Variants in KMT2E observed in about 807,000 individuals in gnomAD.
KMT2E encodes the protein histone reader KMT2E.
Under a neutral mutation model 184.6 loss-of-function variants are expected in KMT2E, and 30 were observed. The ratio of observed to expected loss-of-function variants is 0.16; its 90% CI spans 0.12 to 0.22. The LOEUF is 0.22. KMT2E is among the 10% of genes least tolerant of loss of function. The pLI is 1.00. For synonymous variants in KMT2E, 815 were observed against 776.5 expected, an observed-to-expected ratio of 1.05 and a Z score of -0.82; for missense variants, 2,023 against 2,237.4, an observed-to-expected ratio of 0.90 and a Z score of 1.93.
chr7:105,048,433 C>T (rs1440502921), intron 3 of KMT2E, among the ~76,000 whole-genome samples: 1 of 152,010 alleles, frequency 6.6e-6, no homozygotes, highest in African/African-American at 2.4e-5. Flanking sequence ...CCTATTGTGA[C>T]TTTAAAATTT....
chr7:105,091,736 C>T (rs1223503005), intron 15 of KMT2E: 1 of 217,156 alleles, frequency 4.6e-6, no homozygotes, highest in East Asian at 1.0e-4. Flanking sequence ...AAAAAACCTA[C>T]CACTGGTAGC....
rs765134765 is a variant in KMT2E at position 105,107,836 on chromosome 7, G to A, written c.3379G>A (p.Asp1127Asn). 6.2e-6 allele frequency: 10 copies of A among 1,614,124 alleles called. No individual in the cohort carries two copies. Among genetic ancestry groups the A allele is most frequent in the Non-Finnish European group, 8.5e-6 (10 of 1,180,016 alleles). ...METTVFCTSE[D>N]GLVSGFGRTV... ...AACAACTGTGTTTTGTACTTCCGAA[G>A]ATGGGCTTGTATCTGGTTTCGGACG... The change falls in exon 22 of 27, where the codon GAT becomes AAT. Residue 1127 changes from aspartate to asparagine, a missense_variant. Transcript: ENST00000311117.
rs140246258 is a variant in KMT2E at position 105,016,371 on chromosome 7, CATT to C, written c.-189+1839_-189+1841del. ...CAATCGTCTTACAGCATACTATCATCATTATGTAAGTTAAAAGTAAGGCTCCGA... is the reference window on the plus strand; with the variant it reads ...CAATCGTCTTACAGCATACTATCATCATGTAAGTTAAAAGTAAGGCTCCGA... On this transcript the variant is annotated intron_variant, in intron 1 of 26. Transcript: ENST00000311117. Among the ~76,000 whole-genome samples, 1,435 of 152,298 alleles carry C rather than the reference CATT, an allele frequency of 9.4e-3. 20 individuals are homozygous for C. Among genetic ancestry groups the C allele is most frequent in the African/African-American group, 0.033 (1,383 of 41,560 alleles).
chr7:105,060,131 A>G (rs1394597415), intron 3 of KMT2E, among the ~76,000 whole-genome samples: 1 of 150,954 alleles, frequency 6.6e-6, no homozygotes, highest in Non-Finnish European at 1.5e-5. Context: ...AGTAGCTGGG[A>G]TTACAGGTGC....
intron 13 of KMT2E, among the ~76,000 whole-genome samples, chr7:105,088,011 TC>T (rs1798053566): frequency 6.6e-6 from 1 of 152,186 alleles, no homozygotes; most frequent in Admixed American, 6.5e-5. Flanking sequence ...AGTATCCCTT[TC>T]TACTGATTAT....
At chr7:105,072,392 A>T (rs958352717) in intron 6 of KMT2E, among the ~76,000 whole-genome samples, 1 of 152,180 alleles carries the variant, frequency 6.6e-6, no homozygotes, top group African/African-American at 2.4e-5. Flanking sequence ...AGATATGTTT[A>T]TTATTCTGTG....
chr7:105,090,377 A>T lies in KMT2E; in HGVS notation c.1623+104A>T, dbSNP rs1798152070. 9 of 1,290,658 alleles carry T rather than the reference A, an allele frequency of 7.0e-6. No individual in the cohort carries two copies. In the South Asian group the frequency reaches 1.2e-4, roughly 17 times the overall value. 80.0% of individuals were successfully genotyped at this position (1,290,658 alleles called of 1,614,324 possible). A position where few individuals can be genotyped will look rare whatever the true frequency, so the allele number is the denominator to read the frequency against. On this transcript the variant is annotated intron_variant, in intron 14 of 26. Coordinates refer to ENST00000311117, the MANE Select transcript of KMT2E (RefSeq NM_182931.3). ...TGTATAATTGTTTAAAGTATTTTTAAGTCCATTCTGTCATTTAATGAAGTA... is the reference window on the plus strand; with the variant it reads ...TGTATAATTGTTTAAAGTATTTTTATGTCCATTCTGTCATTTAATGAAGTA...
chr7:105,042,706 C>G (rs1795934899), intron 3 of KMT2E, among the ~76,000 whole-genome samples: 1 of 152,270 alleles, frequency 6.6e-6, no homozygotes, highest in East Asian at 1.9e-4. Context: ...GGACAATTGT[C>G]ATACCAAACT....
At chr7:105,051,812 C>T (rs556817072) in intron 3 of KMT2E, among the ~76,000 whole-genome samples, 3 of 152,202 alleles carry the variant, frequency 2.0e-5, no homozygotes, top group South Asian at 4.2e-4. Context: ...AGGATTTCAT[C>T]GTGTTGGCCA....
chr7:105,031,082 C>T (rs1403229356), intron 1 of KMT2E, among the ~76,000 whole-genome samples: 1 of 152,078 alleles, frequency 6.6e-6, no homozygotes, highest in Non-Finnish European at 1.5e-5. Context: ...ATAGGCTGGG[C>T]ACGGTGGCTC....
intron 3 of KMT2E, among the ~76,000 whole-genome samples, chr7:105,053,027 A>G (rs568054701): frequency 1.3e-5 from 2 of 152,304 alleles, no homozygotes; most frequent in East Asian, 3.9e-4. Context: ...TTGTAGAAAG[A>G]TGTACAAAAA....
At chr7:105,035,695 G>T (rs1408232765) in intron 1 of KMT2E, among the ~76,000 whole-genome samples, 1 of 152,008 alleles carries the variant, frequency 6.6e-6, no homozygotes, top group Non-Finnish European at 1.5e-5. Context: ...GAGTAGCCAG[G>T]ACTACAGGCA....
intron 3 of KMT2E, among the ~76,000 whole-genome samples, chr7:105,049,801 G>C (rs542280484): frequency 6.6e-6 from 1 of 152,004 alleles, no homozygotes; most frequent in South Asian, 2.1e-4. Context: ...ACACGCAGGA[G>C]AATTGCTTGA....
rs202085161 is a variant in KMT2E, at chr7:105,066,727, C to T, written c.417C>T (p.Ser139=). The T allele has an allele frequency of 8.0e-5, 128 of 1,595,274 alleles. No individual in the cohort carries two copies. Among genetic ancestry groups the T allele is most frequent in the Admixed American group, 6.9e-5 (4 of 57,946 alleles). Residue 139 remains serine (S), a splice_region_variant and synonymous_variant, in exon 6 of 27, where the codon AGC becomes AGT. Transcript: ENST00000311117. The part of the protein sequence containing the change: ...DGYMICCDKC[S]VWQHIDCMGI... Reference sequence around the variant, plus strand: ...TATGTTCTGCTTTTTTTTTTTTAAGCGTTTGGCAACATATTGACTGCATGG... The same window carrying T: ...TATGTTCTGCTTTTTTTTTTTTAAGTGTTTGGCAACATATTGACTGCATGG...
intron 6 of KMT2E, among the ~76,000 whole-genome samples, chr7:105,072,407 CTAGGA>C (rs1172688515): frequency 2.0e-5 from 3 of 152,210 alleles, no homozygotes; most frequent in African/African-American, 7.2e-5. Context: ...TCTGTGATAG[CTAGGA>C]TAATTATCTG....
chr7:105,021,567 T>C (rs1461437131), intron 1 of KMT2E, among the ~76,000 whole-genome samples: 1 of 152,184 alleles, frequency 6.6e-6, no homozygotes, highest in East Asian at 1.9e-4. Context: ...AAAGTACAGA[T>C]GGGCCTCACA....
chr7:105,043,710 G>A (rs1795984629), intron 3 of KMT2E, among the ~76,000 whole-genome samples: 1 of 152,184 alleles, frequency 6.6e-6, no homozygotes. Context: ...AGTAGTGGTT[G>A]TTCTTCCTTT....
Position 105,105,471 on chromosome 7 carries a change from T to C in KMT2E, c.2229T>C (p.Asn743=). The change falls in exon 18 of 27, where the codon AAT becomes AAC. Residue 743 remains asparagine, a synonymous_variant. Transcript: ENST00000311117. ...TTAATGAATGGTTAAGTGAGAAGAATGAGAAGACAGGAAAACCTTCAGATG... is the reference window on the plus strand; with the variant it reads ...TTAATGAATGGTTAAGTGAGAAGAACGAGAAGACAGGAAAACCTTCAGATG... ...HLVNEWLSEK[N]EKTGKPSDGL... The C allele has an allele frequency of 6.2e-7, 1 of 1,607,522 alleles. No homozygotes were observed. Among genetic ancestry groups the C allele is most frequent in the Non-Finnish European group, 8.5e-7 (1 of 1,178,268 alleles).
In KMT2E at chr7:105,106,508, TA is replaced by T. The variant is rs1351361156; in HGVS notation, c.2597-13del. 3.8e-6 allele frequency: 6 copies of T among 1,591,366 alleles called. No homozygotes were observed. The highest frequency in any genetic ancestry group is 2.6e-6 in the Non-Finnish European group (3 of 1,159,696). ...AACAGTGTAATTTCTTACAGATTAT[TA>T]TTTCACCAACAGATTTAACTACACC... On this transcript the variant is annotated splice_polypyrimidine_tract_variant and intron_variant, in intron 19 of 26. Transcript: ENST00000311117.
Sources: allele counts gnomAD v4.1 joint callset (sites outside exome capture counted in the v4.1 genomes callset), GRCh38; gene constraint gnomAD v4.1.1; transcripts MANE v1.5; gene names NCBI Gene and HGNC (gene_info 2026-07-23, HGNC 2026-07-21).